The following PNLDC1 variants were observed in gnomAD, a reference collection of about 807,000 sequenced individuals.
PNLDC1 encodes the protein PARN like ribonuclease domain containing exonuclease 1, also known as poly(A)-specific ribonuclease PNLDC1.
A neutral mutation model predicts 82.0 loss-of-function variants in PNLDC1; 70 were observed. The observed-to-expected ratio is 0.85, with a 90% confidence interval of 0.70 to 1.04. The LOEUF (loss-of-function observed/expected upper bound fraction) is 1.04. Ranked by LOEUF, PNLDC1 falls within the 50% of genes least tolerant of loss-of-function variation. PNLDC1 has a pLI of 0.00. For missense variants in PNLDC1, 631 were observed against 661.1 expected, an observed-to-expected ratio of 0.95 and a Z score of 0.50; for synonymous variants, 280 against 249.3, an observed-to-expected ratio of 1.12 and a Z score of -1.16.
intron 3 of PNLDC1, among the ~76,000 whole-genome samples, chr6:159,802,434 A>T (rs1781293794): frequency 6.6e-6 from 1 of 151,138 alleles, no homozygotes; most frequent in African/African-American, 2.4e-5. Context: ...AATGATGCTG[A>T]ACGTGTGTGT....
chr6:159,813,735 T>G, intron 12 of PNLDC1, 79 bp downstream of exon 12: 11 of 1,284,884 alleles, frequency 8.6e-6, no homozygotes, highest in Non-Finnish European at 1.1e-5. Flanking sequence ...TTGGGCTCTC[T>G]AGGCGTGCCC....
rs1781963523 is a variant in PNLDC1 at position 159,819,491 on chromosome 6, G to C, written c.1532+139G>C. On this transcript the variant is annotated intron_variant, in intron 18 of 18. Transcript: ENST00000392167. The surrounding 1 kb of genome is among the most constrained non-coding windows in gnomAD (Gnocchi z 4.6). ...AGGGGGTTGTGTTGACGAGTGTGGT[G>C]CCCTGAATGTCCTTCAGTGATGCCG... 2 of 721,464 alleles carry C rather than the reference G, an allele frequency of 2.8e-6. No homozygotes were observed. Among genetic ancestry groups the C allele is most frequent in the African/African-American group, 3.5e-5 (2 of 56,438 alleles). The allele number at this position is 721,464 out of a possible 1,614,324, so 44.7% of individuals were successfully genotyped here. A position where few individuals can be genotyped will look rare whatever the true frequency, so the allele number is the denominator to read the frequency against.
At chr6:159,811,529 T>G (rs1484154705) in intron 10 of PNLDC1, among the ~76,000 whole-genome samples, 172 bp from the exon 11 acceptor site, 1 of 152,236 alleles carries the variant, frequency 6.6e-6, no homozygotes, top group Non-Finnish European at 1.5e-5. Context: ...GATGGCAGCT[T>G]GATCTGAGTT....
rs750646108 is a variant in PNLDC1 at position 159,806,027 on chromosome 6, C to T, written c.506C>T (p.Thr169Met). The part of the protein sequence containing the change: ...DQIKVVIDEV[T>M]RWLELAKEGD... ...ATCAAGGTGGTGATTGACGAAGTGACGCGGTGGCTGGAGCTGGCCAAGGAA... is the reference window on the plus strand; with the variant it reads ...ATCAAGGTGGTGATTGACGAAGTGATGCGGTGGCTGGAGCTGGCCAAGGAA... The change falls in exon 7 of 19, where the codon ACG (threonine) becomes ATG (methionine). Residue 169 changes from threonine to methionine, a missense_variant. Thr to Met is a moderately conservative substitution (Grantham distance 81). Transcript: ENST00000392167. The T allele has an allele frequency of 1.3e-5, 21 of 1,614,020 alleles. No individual in the cohort carries two copies. The highest frequency in any genetic ancestry group is 1.5e-5 in the Non-Finnish European group (18 of 1,180,028).
At chr6:159,806,109 G>T (rs116402999) in intron 7 of PNLDC1, 26 bp downstream of exon 7, 1 of 1,564,022 alleles carries the variant, frequency 6.4e-7, no homozygotes, top group Non-Finnish European at 8.8e-7. Flanking sequence ...TCCTCCCAAC[G>T]CAGGAGCATT....
chr6:159,800,877 G>A (rs781590638), intron 2 of PNLDC1, 48 bp downstream of exon 2: 4 of 1,611,948 alleles, frequency 2.5e-6, no homozygotes, highest in Non-Finnish European at 3.4e-6. Context: ...GGCCAGACCA[G>A]CACTGTTTCT....
chr6:159,804,731 C>A, intron 6 of PNLDC1, 94 bp downstream of exon 6: 4 of 878,406 alleles, frequency 4.6e-6, no homozygotes, highest in Non-Finnish European at 7.2e-6. Context: ...AGTGTGGTGA[C>A]CTCCATCCAT....
upstream of PNLDC1, chr6:159,800,241 G>A: frequency 1.4e-6 from 2 of 1,454,736 alleles, no homozygotes; most frequent in African/African-American, 1.4e-5. Context: ...GCGGCGCGAC[G>A]GAAGCGCGTG....
rs372971755 is a variant in PNLDC1, at chr6:159,818,993, C to T, written c.1305C>T (p.Ile435=). 6.2e-7 allele frequency: 1 copy of T among 1,614,086 alleles called. No individual in the cohort carries two copies. The highest frequency in any genetic ancestry group is 8.5e-7 in the Non-Finnish European group (1 of 1,180,020). Residue 435 remains isoleucine, a synonymous_variant, in exon 17 of 19, where the codon ATC becomes ATT. Coordinates refer to ENST00000392167, the MANE Select transcript of PNLDC1 (RefSeq NM_001271862.2). ...DYPSIRPPIL[I]LSVKRWPGVS... ...CCAGTATCCGACCTCCCATCCTCATCCTCAGCGTCAAAAGGTGGCCTGGGG... is the reference window on the plus strand; with the variant it reads ...CCAGTATCCGACCTCCCATCCTCATTCTCAGCGTCAAAAGGTGGCCTGGGG...
At chr6:159,803,448 TCA>T in intron 4 of PNLDC1, 138 bp downstream of exon 4, 1 of 735,778 alleles carries the variant, frequency 1.4e-6, no homozygotes, top group Non-Finnish European at 2.3e-6. Flanking sequence ...GTTCCTCCAC[TCA>T]CTCTGCCCTC....
chr6:159,803,979 C>CG lies in PNLDC1; in HGVS notation c.263_264insG (p.Cys89LeufsTer2). 1 of 1,613,452 alleles carries CG rather than the reference C, an allele frequency of 6.2e-7. No homozygotes were observed. The highest frequency in any genetic ancestry group is 8.5e-7 in the Non-Finnish European group (1 of 1,179,448). Reference sequence around the variant, plus strand: ...TTTTATTATAGGTATATAGCCCATTCTTGTAACTTCTATCTCTTCCCTACA... The same window carrying CG: ...TTTTATTATAGGTATATAGCCCATTCGTTGTAACTTCTATCTCTTCCCTACA... On this transcript the variant is annotated frameshift_variant, in exon 5 of 19. Transcript: ENST00000392167. LOFTEE classifies it high-confidence loss of function.
At chr6:159,818,509 T>G in intron 15 of PNLDC1, 46 bp from the exon 16 acceptor site, 2 of 1,551,822 alleles carry the variant, frequency 1.3e-6, no homozygotes, top group Non-Finnish European at 1.8e-6. Context: ...AGGAAGTGGA[T>G]GAACTTCTGT....
intron 15 of PNLDC1, among the ~76,000 whole-genome samples, chr6:159,817,394 C>T (rs1369957203): frequency 6.6e-6 from 1 of 152,218 alleles, no homozygotes; most frequent in Non-Finnish European, 1.5e-5. Context: ...CTCATCCCCG[C>T]AGATGTCAGG....
At chr6:159,812,637 A>G (rs1422820162) in intron 11 of PNLDC1, among the ~76,000 whole-genome samples, 1 of 152,182 alleles carries the variant, frequency 6.6e-6, no homozygotes, top group African/African-American at 2.4e-5. Flanking sequence ...TGGTATTTCT[A>G]AAGCTCCCTG....
At position 159,820,670 on chromosome 6, in the gene PNLDC1, C is replaced by T; in HGVS notation, c.*153C>T. ...TGTCCTGAACGTGAAATTCTGTCAA[C>T]ACTCTCAATGATAAATCAGTCCTTA... On this transcript the variant is annotated 3_prime_UTR_variant, in exon 19 of 19. Transcript: ENST00000392167. 1 of 698,850 alleles carries T rather than the reference C, an allele frequency of 1.4e-6. No individual in the cohort carries two copies. The allele number at this position is 698,850 out of a possible 1,614,324, so 43.3% of individuals were successfully genotyped here.
intron 2 of PNLDC1, 113 bp downstream of exon 2, chr6:159,800,942 A>G (rs1781228170): frequency 6.6e-7 from 1 of 1,514,942 alleles, no homozygotes; most frequent in Admixed American, 1.8e-5. Context: ...GCTTGCTCCT[A>G]CGTGTTGGAG....
chr6:159,817,770 A>G (rs1455329542), intron 15 of PNLDC1, among the ~76,000 whole-genome samples: 1 of 152,250 alleles, frequency 6.6e-6, no homozygotes, highest in East Asian at 1.9e-4. Flanking sequence ...GGAGCCCATC[A>G]AAATTCTAAT....
intron 13 of PNLDC1, 74 bp from the exon 14 acceptor site, chr6:159,816,468 TG>T: frequency 7.3e-7 from 1 of 1,363,496 alleles, no homozygotes; most frequent in Non-Finnish European, 1.0e-6. Flanking sequence ...GCAGCCACTG[TG>T]GATGGTGAGC....
At chr6:159,803,942 T>C in intron 4 of PNLDC1, 23 bp from the exon 5 acceptor site, 1 of 1,597,484 alleles carries the variant, frequency 6.3e-7, no homozygotes, top group Non-Finnish European at 8.5e-7. Context: ...TGGCTTTTTC[T>C]CTGTATGTTT....
Sources: gnomAD v4.1 joint callset for allele counts (sites outside exome capture counted in the v4.1 genomes callset) on GRCh38, gnomAD v4.1.1 for gene constraint, Gnocchi (gnomAD v3.1) non-coding constraint, MANE v1.5 for transcripts, NCBI Gene and HGNC (gene_info 2026-07-23, HGNC 2026-07-21) for gene names.